USP47: variants seen among roughly 807,000 people sequenced by gnomAD.
The protein encoded by USP47 is ubiquitin specific peptidase 47.
USP47 carries 35 observed loss-of-function variants against 165.1 expected under a neutral mutation model. The ratio of observed to expected loss-of-function variants is 0.21; its 90% CI spans 0.16 to 0.28. The LOEUF (loss-of-function observed/expected upper bound fraction) is 0.28, where lower values mean the gene tolerates loss of function less well. USP47 is among the 10% of genes least tolerant of loss of function. The probability of loss-of-function intolerance (pLI) is 1.00; values close to 1 mark genes in which losing one functional copy is unlikely to be tolerated. For missense variants in USP47, 1,277 were observed against 1,607.4 expected, an observed-to-expected ratio of 0.79 and a Z score of 3.52; for synonymous variants, 531 against 544.5, an observed-to-expected ratio of 0.98 and a Z score of 0.35.
Position 11,842,046 on chromosome 11 carries a change from C to A in USP47, c.-140C>A. ...GGTGTCTGCGCGCTGGTGTCTGAGG[C>A]CCAGGCTGAGGCCTCCGCTATTGCT... On this transcript the variant is annotated 5_prime_UTR_variant, in exon 1 of 28. Coordinates refer to ENST00000527733, the MANE Select transcript of USP47 (RefSeq NM_001282659.2). 1 of 1,077,344 alleles carries A rather than the reference C, an allele frequency of 9.3e-7. No homozygotes were observed. Among genetic ancestry groups the A allele is most frequent in the Non-Finnish European group, 1.3e-6 (1 of 754,400 alleles). 66.7% of individuals were successfully genotyped at this position (1,077,344 alleles called of 1,614,324 possible).
intron 16 of USP47, 59 bp downstream of exon 16, chr11:11,933,994 C>T: frequency 7.7e-7 from 1 of 1,305,242 alleles, no homozygotes; most frequent in South Asian, 1.2e-5. Flanking sequence ...AACATAATTT[C>T]CCAAGTTTTT....
chr11:11,912,796 A>G (rs948351709), intron 8 of USP47, among the ~76,000 whole-genome samples: 61 of 152,198 alleles, frequency 4.0e-4, no homozygotes, highest in African/African-American at 1.5e-3. Flanking sequence ...TAAGCAATTT[A>G]TAAAAAGAAT....
At chr11:11,936,568 T>G (rs868813100) in intron 17 of USP47, 58 bp downstream of exon 17, 1 of 1,343,120 alleles carries the variant, frequency 7.4e-7, no homozygotes, top group Middle Eastern at 2.0e-4. Flanking sequence ...ATGAGAAAGT[T>G]TTTTTTTTTA....
At chr11:11,859,575 T>C (rs774322085) in intron 1 of USP47, among the ~76,000 whole-genome samples, 1 of 152,158 alleles carries the variant, frequency 6.6e-6, no homozygotes, top group Non-Finnish European at 1.5e-5. Context: ...CAAAAGATCT[T>C]TGCAGATGTT....
rs748162480 is a variant in USP47 at position 11,955,027 on chromosome 11, T to G, written c.3763-7T>G. ...ATGATTTATTCATTCATTCTTTTTC[T>G]TTTTAGGGTAGAGGAACATTTCCCT... On this transcript the variant is annotated splice_polypyrimidine_tract_variant and splice_region_variant and intron_variant, in intron 26 of 27. Coordinates refer to ENST00000527733, the MANE Select transcript of USP47 (RefSeq NM_001282659.2). 1.2e-6 allele frequency: 2 copies of G among 1,613,324 alleles called. No individual in the cohort carries two copies. Among genetic ancestry groups the G allele is most frequent in the South Asian group, 2.2e-5 (2 of 90,952 alleles).
intron 17 of USP47, 67 bp from the exon 18 acceptor site, chr11:11,938,190 C>T: frequency 7.6e-7 from 1 of 1,322,910 alleles, no homozygotes; most frequent in South Asian, 1.2e-5. Context: ...ATTAAGAATG[C>T]ATTACTCATG....
intron 1 of USP47, among the ~76,000 whole-genome samples, chr11:11,872,606 G>C (rs1167596770): frequency 6.6e-6 from 1 of 152,214 alleles, no homozygotes; most frequent in South Asian, 2.1e-4. Flanking sequence ...ATGGATGCCT[G>C]ATAGTTTAGA....
intron 2 of USP47, among the ~76,000 whole-genome samples, chr11:11,882,917 G>T (rs1381647711): frequency 6.6e-6 from 1 of 152,068 alleles, no homozygotes. Context: ...AGGATTACCT[G>T]TTTCTTTCTT....
At position 11,956,234 on chromosome 11, in the gene USP47, C is replaced by T; in HGVS notation, c.*59C>T. ...TTGGTTTTAATTAGATGGTTCACTA[C>T]CACTGGGTAGTGCCATTTTGGCCGG... On this transcript the variant is annotated 3_prime_UTR_variant, in exon 28 of 28. Coordinates refer to ENST00000527733, the MANE Select transcript of USP47 (RefSeq NM_001282659.2). The T allele has an allele frequency of 1.9e-6, 3 of 1,590,006 alleles. No homozygotes were observed. Among genetic ancestry groups the T allele is most frequent in the Non-Finnish European group, 2.6e-6 (3 of 1,164,150 alleles).
At chr11:11,937,515 A>G (rs536300703) in intron 17 of USP47, among the ~76,000 whole-genome samples, 1 of 151,024 alleles carries the variant, frequency 6.6e-6, no homozygotes, top group Non-Finnish European at 1.5e-5. Context: ...TATGATGTCT[A>G]CTTCGACTTC....
chr11:11,896,912 G>C (rs1851883253), intron 4 of USP47, among the ~76,000 whole-genome samples: 1 of 152,008 alleles, frequency 6.6e-6, no homozygotes, highest in African/African-American at 2.4e-5. Flanking sequence ...AAAGCAGATA[G>C]CTACCATGCT....
At chr11:11,896,333 G>A (rs1420624467) in intron 4 of USP47, among the ~76,000 whole-genome samples, 1 of 152,148 alleles carries the variant, frequency 6.6e-6, no homozygotes, top group East Asian at 1.9e-4. Flanking sequence ...GATGATAGTA[G>A]TATTCATTTA....
chr11:11,891,091 A>G (rs1851483403), intron 3 of USP47, among the ~76,000 whole-genome samples: 1 of 152,198 alleles, frequency 6.6e-6, no homozygotes, highest in South Asian at 2.1e-4. Flanking sequence ...GCAAACAACC[A>G]TGGCACACAT....
Position 11,941,938 on chromosome 11 carries a change from C to T in USP47, c.2314-397C>T, listed in dbSNP as rs185152744. Among the ~76,000 whole-genome samples, 168 of 152,144 alleles carry T rather than the reference C, an allele frequency of 1.1e-3. 1 individual carries two copies. Among genetic ancestry groups the T allele is most frequent in the Middle Eastern group, 3.4e-3 (1 of 294 alleles). ...GTGTTATATTCACAAGGTGTCTTTA[C>T]ACATGTTCCTGTGTCTGTAGTTCAG... is the stretch of plus-strand genomic sequence containing the variant. On this transcript the variant is annotated intron_variant, in intron 19 of 27. Coordinates refer to ENST00000527733, the MANE Select transcript of USP47 (RefSeq NM_001282659.2).
intron 22 of USP47, chr11:11,949,011 T>C (rs530296469): frequency 3.9e-4 from 62 of 157,408 alleles, no homozygotes; most frequent in Middle Eastern, 6.6e-3. Context: ...CAAGCATTTA[T>C]ATAGTGTCTA....
chr11:11,939,023 G>A (rs1399889946), intron 18 of USP47, among the ~76,000 whole-genome samples: 1 of 151,926 alleles, frequency 6.6e-6, no homozygotes, highest in Admixed American at 6.6e-5. Context: ...GACTTGACAG[G>A]GAAGGTGATG....
chr11:11,935,040 A>G (rs1854954281), intron 16 of USP47, among the ~76,000 whole-genome samples: 1 of 152,120 alleles, frequency 6.6e-6, no homozygotes, highest in Non-Finnish European at 1.5e-5. Context: ...TAATTGCTGC[A>G]GATGAATCAG....
intron 25 of USP47, 114 bp from the exon 26 acceptor site, chr11:11,954,783 T>A: frequency 1.5e-5 from 18 of 1,227,310 alleles, no homozygotes; most frequent in Non-Finnish European, 2.0e-5. Flanking sequence ...TTAATTTTTT[T>A]ACATGAAACA....
chr11:11,870,935 A>T (rs1849997622), intron 1 of USP47, among the ~76,000 whole-genome samples: 1 of 151,908 alleles, frequency 6.6e-6, no homozygotes, highest in Non-Finnish European at 1.5e-5. Flanking sequence ...GCTTCTTTGC[A>T]TGTTTGTTTA....
Sources: allele counts gnomAD v4.1 joint callset (sites outside exome capture counted in the v4.1 genomes callset), GRCh38; gene constraint gnomAD v4.1.1; transcripts MANE v1.5; gene names NCBI Gene and HGNC (gene_info 2026-07-23, HGNC 2026-07-21).